WFDC11: variants seen among roughly 807,000 people sequenced by gnomAD.
WFDC11 encodes the protein protein WFDC11.
WFDC11 carries 9 observed loss-of-function variants against 9.9 expected under a neutral mutation model. The ratio of observed to expected loss-of-function variants is 0.91; its 90% CI spans 0.55 to 1.58. The LOEUF (loss-of-function observed/expected upper bound fraction) is 1.58. Ranked by LOEUF, WFDC11 falls within the 40% of genes most tolerant of loss-of-function variation. The pLI, the probability that WFDC11 is intolerant of heterozygous loss-of-function variation, is 0.00. For synonymous variants in WFDC11, 32 were observed against 33.3 expected (o/e 0.96, Z 0.13); for missense variants, 106 against 101.7 (o/e 1.04, Z -0.18).
intron 1 of WFDC11, among the ~76,000 whole-genome samples, 183 bp downstream of exon 1, chr20:45,669,995 C>A (rs1339180289): frequency 1.3e-5 from 2 of 151,862 alleles, no homozygotes; most frequent in Non-Finnish European, 2.9e-5. Flanking sequence ...TACCACTGAC[C>A]CCATAAAAAT....
intron 2 of WFDC11, among the ~76,000 whole-genome samples, chr20:45,663,270 C>A (rs768672998): frequency 6.6e-6 from 1 of 151,996 alleles, no homozygotes; most frequent in Non-Finnish European, 1.5e-5. Flanking sequence ...GGTGATAGCC[C>A]CCCTTTATCA....
intron 2 of WFDC11, among the ~76,000 whole-genome samples, chr20:45,666,587 A>C (rs552298276): frequency 6.6e-6 from 1 of 152,272 alleles, no homozygotes; most frequent in East Asian, 1.9e-4. Flanking sequence ...TTTCTTATCA[A>C]CCTGAGCCTT....
chr20:45,652,800 G>A (rs1050504110), intron 2 of WFDC11, among the ~76,000 whole-genome samples: 7 of 152,320 alleles, frequency 4.6e-5, no homozygotes, highest in African/African-American at 1.7e-4. Context: ...AGCCTCAGTA[G>A]CCAATTCGAT....
Position 45,648,683 on chromosome 20 carries a change from C to T in WFDC11, c.*36G>A. 6.2e-7 allele frequency: 1 copy of T among 1,613,720 alleles called. No homozygotes were observed. Among genetic ancestry groups the T allele is most frequent in the Non-Finnish European group, 8.5e-7 (1 of 1,179,674 alleles). ...ATGAGACCTCTTAAACATTTCCCAG[C>T]CCACACAGGTGGCAGCCTGGTGGGA... On this transcript the variant is annotated 3_prime_UTR_variant, in exon 5 of 5. Coordinates refer to ENST00000324384, the MANE Select transcript of WFDC11 (RefSeq NM_147197.2).
At chr20:45,668,965 C>A (rs185424591) in intron 1 of WFDC11, among the ~76,000 whole-genome samples, 2 of 152,124 alleles carry the variant, frequency 1.3e-5, no homozygotes, top group South Asian at 4.2e-4. Flanking sequence ...ATAAATATTA[C>A]CAATTCTCTC....
At chr20:45,661,132 C>T (rs147496356) in intron 2 of WFDC11, among the ~76,000 whole-genome samples, 5,339 of 152,236 alleles carry the variant, frequency 0.035, 104 homozygotes, top group Middle Eastern at 0.088. Context: ...GATGGTATCC[C>T]ATTGTGGTTT....
intron 1 of WFDC11, among the ~76,000 whole-genome samples, chr20:45,668,148 C>T (rs1227090462): frequency 6.6e-6 from 1 of 152,156 alleles, no homozygotes; most frequent in Admixed American, 6.5e-5. Context: ...GCCTCAGAGC[C>T]ACGATACATC....
chr20:45,652,364 C>G (rs942401028), intron 2 of WFDC11, among the ~76,000 whole-genome samples: 3 of 152,200 alleles, frequency 2.0e-5, no homozygotes, highest in Non-Finnish European at 4.4e-5. Flanking sequence ...AGACCTGCAG[C>G]TGAGGGTCCT....
intron 2 of WFDC11, among the ~76,000 whole-genome samples, chr20:45,659,658 T>C (rs2070714245): frequency 6.6e-6 from 1 of 152,250 alleles, no homozygotes; most frequent in African/African-American, 2.4e-5. Flanking sequence ...TCCGATTCTG[T>C]AGGTTGCCTG....
At chr20:45,655,244 G>C (rs560457766) in intron 2 of WFDC11, among the ~76,000 whole-genome samples, 14 of 152,140 alleles carry the variant, frequency 9.2e-5, no homozygotes, top group African/African-American at 3.4e-4. Context: ...ATGATCAAGT[G>C]GGCTTCATCC....
intron 2 of WFDC11, among the ~76,000 whole-genome samples, chr20:45,662,803 G>A (rs542551061): frequency 2.6e-5 from 4 of 152,190 alleles, no homozygotes; most frequent in Non-Finnish European, 5.9e-5. Flanking sequence ...TTTTTGATGT[G>A]CTGCTGGATT....
intron 2 of WFDC11, among the ~76,000 whole-genome samples, chr20:45,662,553 G>T (rs1044561771): frequency 6.6e-6 from 1 of 152,168 alleles, no homozygotes; most frequent in East Asian, 1.9e-4. Context: ...TTGGCTGTGG[G>T]TTTGTCATAG....
At chr20:45,655,858 G>A (rs996775659) in intron 2 of WFDC11, among the ~76,000 whole-genome samples, 7 of 151,974 alleles carry the variant, frequency 4.6e-5, no homozygotes, top group South Asian at 2.1e-4. Flanking sequence ...ATAAAATACC[G>A]AGGAATCCAA....
rs1982907697 is a variant in WFDC11 at position 45,655,427 on chromosome 20, G to A, written c.-51-4776C>T. ...TCAATAAATTAGGTATTGATGGGAT[G>A]TATCTCAAAATAATAAGAGCTATCT... On this transcript the variant is annotated intron_variant, in intron 2 of 4. Transcript: ENST00000324384. Among the ~76,000 whole-genome samples, 3 of 152,174 alleles carry A rather than the reference G, an allele frequency of 2.0e-5. No individual in the cohort carries two copies. In the South Asian group the frequency reaches 6.2e-4, roughly 31 times the overall value.
chr20:45,662,598 T>G (rs1223039521), intron 2 of WFDC11, among the ~76,000 whole-genome samples: 1 of 152,262 alleles, frequency 6.6e-6, no homozygotes, highest in Non-Finnish European at 1.5e-5. Context: ...GTCCCATCAA[T>G]AGCAAATTTA....
At chr20:45,661,704 G>A (rs996968605) in intron 2 of WFDC11, among the ~76,000 whole-genome samples, 4 of 152,014 alleles carry the variant, frequency 2.6e-5, no homozygotes, top group African/African-American at 7.3e-5. Context: ...TTTTTCTCAG[G>A]TTTGTCAAAG....
intron 2 of WFDC11, among the ~76,000 whole-genome samples, chr20:45,654,100 C>T (rs189255485): frequency 6.6e-6 from 1 of 152,192 alleles, no homozygotes; most frequent in Non-Finnish European, 1.5e-5. Flanking sequence ...ATCTACAGAA[C>T]TCTCCACCCC....
At chr20:45,652,689 T>G (rs1982835772) in intron 2 of WFDC11, among the ~76,000 whole-genome samples, 2 of 151,926 alleles carry the variant, frequency 1.3e-5, no homozygotes, top group Admixed American at 1.3e-4. Flanking sequence ...TGAAAAAAAA[T>G]TAGACGAATG....
At chr20:45,649,134 T>C in intron 4 of WFDC11, 123 bp downstream of exon 4, 1 of 1,193,318 alleles carries the variant, frequency 8.4e-7, no homozygotes, top group Non-Finnish European at 1.2e-6. Context: ...AGGGACATTG[T>C]CTTCTGTTAT....
Sources: allele counts gnomAD v4.1 joint callset (sites outside exome capture counted in the v4.1 genomes callset), GRCh38; gene constraint gnomAD v4.1.1; transcripts MANE v1.5; gene names NCBI Gene and HGNC (gene_info 2026-07-23, HGNC 2026-07-21).